ROBO2: variants seen among roughly 807,000 people sequenced by gnomAD.
The protein encoded by ROBO2 is roundabout guidance receptor 2.
A neutral mutation model predicts 160.8 loss-of-function variants in ROBO2; 53 were observed. The observed-to-expected ratio is 0.33, with a 90% CI of 0.26 to 0.41. The LOEUF is 0.41. Ranked by LOEUF, ROBO2 falls within the 10% of genes least tolerant of loss-of-function variation. ROBO2 has a pLI of 1.00. For synonymous variants in ROBO2, 664 were observed against 611.7 expected, an observed-to-expected ratio of 1.09 and a Z score of -1.26; for missense variants, 1,577 against 1,722.4, an observed-to-expected ratio of 0.92 and a Z score of 1.49.
At chr3:76,078,043 T>C (rs2068699493) in intron 2 of ROBO2, among the ~76,000 whole-genome samples, 1 of 152,198 alleles carries the variant, frequency 6.6e-6, no homozygotes. Flanking sequence ...AACTGCTTAA[T>C]TTTTCAAAAT....
At chr3:76,340,186 A>G (rs2074137208) in intron 2 of ROBO2, among the ~76,000 whole-genome samples, 1 of 152,158 alleles carries the variant, frequency 6.6e-6, no homozygotes. Flanking sequence ...TTACTAGTAG[A>G]GCAGGAACAC....
At chr3:76,934,542 C>T (rs914572689) in intron 2 of ROBO2, among the ~76,000 whole-genome samples, 2 of 151,866 alleles carry the variant, frequency 1.3e-5, no homozygotes, top group Non-Finnish European at 1.5e-5. Context: ...AGAGATCGAT[C>T]GAGACCGTCC....
At chr3:76,046,313 A>G (rs1001671293) in intron 2 of ROBO2, among the ~76,000 whole-genome samples, 1 of 151,980 alleles carries the variant, frequency 6.6e-6, no homozygotes, top group Non-Finnish European at 1.5e-5. Context: ...CCATTCTGCC[A>G]TGTAATCTAA....
intron 2 of ROBO2, among the ~76,000 whole-genome samples, chr3:76,164,645 A>G (rs372572687): frequency 2.2e-4 from 34 of 152,170 alleles, no homozygotes; most frequent in African/African-American, 7.7e-4. Context: ...GCTGAGCAGA[A>G]TGTCTCAAGA....
intron 2 of ROBO2, among the ~76,000 whole-genome samples, chr3:77,127,499 G>C (rs2150325416): frequency 6.6e-6 from 1 of 152,194 alleles, no homozygotes; most frequent in East Asian, 1.9e-4. Context: ...ATTGACAAAA[G>C]TACTCTTTGC....
chr3:77,481,187 G>A, exon 4 of ROBO2: 1 of 1,604,886 alleles, frequency 6.2e-7, no homozygotes, highest in Non-Finnish European at 8.5e-7. Flanking sequence ...GTGGGAGAAA[G>A]GGACAGTGAC....
intron 5 of ROBO2, among the ~76,000 whole-genome samples, chr3:77,496,552 T>G (rs1408519617): frequency 6.6e-6 from 1 of 152,212 alleles, no homozygotes; most frequent in Non-Finnish European, 1.5e-5. Flanking sequence ...TGGCCATTGT[T>G]CTTGTATAAG....
At chr3:77,519,929 A>G (rs2090422772) in intron 5 of ROBO2, among the ~76,000 whole-genome samples, 1 of 151,374 alleles carries the variant, frequency 6.6e-6, no homozygotes. Flanking sequence ...TTTCCACAGC[A>G]TCATCAGCGT....
chr3:76,006,855 T>C (rs1049580150), intron 2 of ROBO2, among the ~76,000 whole-genome samples: 2 of 152,100 alleles, frequency 1.3e-5, no homozygotes, highest in African/African-American at 4.8e-5. Context: ...AAATTAAATA[T>C]TTTAATGGAA....
chr3:77,367,845 T>A (rs1219780333), intron 2 of ROBO2, among the ~76,000 whole-genome samples: 2 of 152,192 alleles, frequency 1.3e-5, no homozygotes, highest in African/African-American at 4.8e-5. Context: ...TGTGGTTCTT[T>A]ATGTGAATAT....
chr3:76,421,233 T>C (rs1395282078), intron 2 of ROBO2, among the ~76,000 whole-genome samples: 2 of 152,222 alleles, frequency 1.3e-5, no homozygotes, highest in African/African-American at 4.8e-5. Flanking sequence ...TTTCCTACCA[T>C]GGATTCAACA....
At chr3:77,184,305 C>T (rs7649618) in intron 2 of ROBO2, among the ~76,000 whole-genome samples, 4,632 of 151,970 alleles carry the variant, frequency 0.03, 239 homozygotes, top group African/African-American at 0.1. Flanking sequence ...CATTCATTTA[C>T]CAAAAAATTT....
chr3:77,347,104 A>G (rs189470453), intron 2 of ROBO2, among the ~76,000 whole-genome samples: 13 of 152,200 alleles, frequency 8.5e-5, no homozygotes, highest in Admixed American at 7.9e-4. Context: ...ATTTAGAGTA[A>G]TGTAACCTGA....
intron 2 of ROBO2, among the ~76,000 whole-genome samples, chr3:77,458,888 A>G (rs2081965724): frequency 6.6e-6 from 1 of 152,040 alleles, no homozygotes; most frequent in South Asian, 2.1e-4. Flanking sequence ...AAAATTGTCT[A>G]TTTTCAAATC....
At chr3:76,226,300 A>C (rs1704280196) in intron 2 of ROBO2, among the ~76,000 whole-genome samples, 1 of 152,182 alleles carries the variant, frequency 6.6e-6, no homozygotes, top group South Asian at 2.1e-4. Context: ...AATTAACTTT[A>C]AACAAATAAT....
At position 77,646,079 on chromosome 3, in the gene ROBO2, C is replaced by T. The variant is rs1249772317; in HGVS notation, c.*24C>T. The T allele has an allele frequency of 3.2e-6, 5 of 1,586,570 alleles. No individual in the cohort carries two copies. The East Asian group carries it at 1.1e-4, about 36-fold the overall frequency. On this transcript the variant is annotated 3_prime_UTR_variant, in exon 26 of 26. Transcript: ENST00000461745. The stretch of plus-strand genomic sequence containing the variant: ...AGTAAATGAGAGGAGACATACAAAG[C>T]TGCTCTGAAGGACCATCAGGTCCGG...
At chr3:76,373,693 A>C (rs1326080516) in intron 2 of ROBO2, among the ~76,000 whole-genome samples, 1 of 151,994 alleles carries the variant, frequency 6.6e-6, no homozygotes, top group Non-Finnish European at 1.5e-5. Flanking sequence ...ATTGAATGTA[A>C]AAATGAAGAT....
intron 2 of ROBO2, among the ~76,000 whole-genome samples, chr3:76,488,266 G>C (rs1190381717): frequency 6.6e-6 from 1 of 152,148 alleles, no homozygotes; most frequent in African/African-American, 2.4e-5. Context: ...ACCTCAAGGG[G>C]TTCTTTGGGG....
In ROBO2 at chr3:76,715,930, G is replaced by A. The variant is rs375595651; in HGVS notation, c.110-382084G>A. Among the ~76,000 whole-genome samples, 4 of 152,164 alleles carry A rather than the reference G, an allele frequency of 2.6e-5. No individual in the cohort carries two copies. In the East Asian group the frequency reaches 5.8e-4, roughly 22 times the overall value. ...ATTCACAATGAATTTTTGTCATCTT[G>A]TGTCTTCAAAAGAGATTTTAGGTTG... On this transcript the variant is annotated intron_variant, in intron 2 of 26. Transcript: ENST00000487694.
Sources: gnomAD v4.1 joint callset for allele counts (sites outside exome capture counted in the v4.1 genomes callset) on GRCh38, gnomAD v4.1.1 for gene constraint, MANE v1.5 for transcripts, NCBI Gene and HGNC (gene_info 2026-07-23, HGNC 2026-07-21) for gene names.